Variants in RHOBTB2 observed in about 807,000 individuals in gnomAD.
RHOBTB2 encodes the protein rho-related BTB domain-containing protein 2.
RHOBTB2 carries 39 observed loss-of-function variants against 66.5 expected under a neutral mutation model. That is an observed-to-expected ratio of 0.59 (90% CI 0.45 to 0.77). The LOEUF is 0.77. Among genes scored for constraint, RHOBTB2 ranks in the 30% least tolerant of loss-of-function variants. RHOBTB2 has a pLI of 0.00. For missense variants in RHOBTB2, 755 were observed against 999.1 expected (o/e 0.76, Z 3.29); for synonymous variants, 390 against 395.0 (o/e 0.99, Z 0.15).
chr8:22,989,466 C>T (rs111596175), intron 1 of RHOBTB2, among the ~76,000 whole-genome samples: 1 of 152,196 alleles, frequency 6.6e-6, no homozygotes, highest in Non-Finnish European at 1.5e-5. Flanking sequence ...ATTCTTAACT[C>T]CCTACTGGGC....
chr8:22,979,996 G>A, the RHOBTB2 span, among the ~76,000 whole-genome samples: 1 of 152,016 alleles, frequency 6.6e-6, no homozygotes, highest in Non-Finnish European at 1.5e-5. Context: ...TTGACCTCGT[G>A]ATCCACCCTC....
chr8:22,951,015 T>C, the RHOBTB2 span, among the ~76,000 whole-genome samples: 1 of 152,056 alleles, frequency 6.6e-6, no homozygotes, highest in African/African-American at 2.4e-5. Flanking sequence ...GAAAAGAAAA[T>C]GATTTGGGGG....
At chr8:22,990,190 A>G (rs1810390465) in intron 1 of RHOBTB2, among the ~76,000 whole-genome samples, 1 of 152,212 alleles carries the variant, frequency 6.6e-6, no homozygotes, top group Admixed American at 6.5e-5. Flanking sequence ...GATAAATGAA[A>G]AAAAGAAAGG....
chr8:22,955,568 T>G, the RHOBTB2 span, among the ~76,000 whole-genome samples: 19 of 145,056 alleles, frequency 1.3e-4, no homozygotes, highest in Non-Finnish European at 1.8e-4. Context: ...ATAAATCTTT[T>G]TTTTTTTTTT....
chr8:22,968,437 T>C, the RHOBTB2 span, among the ~76,000 whole-genome samples: 1 of 152,130 alleles, frequency 6.6e-6, no homozygotes, highest in East Asian at 1.9e-4. Context: ...TTCAAGAATA[T>C]CAGTTTTCCT....
chr8:23,009,169 A>AC (rs879727582), intron 6 of RHOBTB2, among the ~76,000 whole-genome samples: 1,172 of 48,220 alleles, frequency 0.024, 12 homozygotes, highest in South Asian at 0.063. Flanking sequence ...AAAAAGAAAA[A>AC]AAGAGAGAGA....
At chr8:22,958,340 T>A in the RHOBTB2 span, among the ~76,000 whole-genome samples, 3 of 152,202 alleles carry the variant, frequency 2.0e-5, no homozygotes, top group African/African-American at 7.2e-5. Flanking sequence ...GGAGGGGGTA[T>A]AACAGGGTCA....
chr8:23,001,167 CTT>C (rs544441081), intron 1 of RHOBTB2, among the ~76,000 whole-genome samples: 2 of 152,104 alleles, frequency 1.3e-5, no homozygotes, highest in African/African-American at 4.8e-5. Flanking sequence ...ATGCCAGTGA[CTT>C]TGCGATTGTC....
Position 22,994,298 on chromosome 8 carries a change from C to T in RHOBTB2, c.-23-263C>T, listed in dbSNP as rs374079059. 4.3e-4 allele frequency among the ~76,000 whole-genome samples: 65 copies of T among 152,320 alleles called. No homozygotes were observed. The South Asian group carries it at 0.013, about 31-fold the overall frequency. On this transcript the variant is annotated intron_variant, in intron 2 of 11. Transcript: ENST00000519685. ...AATCGCCAAACCAGCTCAGTATCCACAAATGCCTGAGGCACATGATGCACC... is the reference window on the plus strand; with the variant it reads ...AATCGCCAAACCAGCTCAGTATCCATAAATGCCTGAGGCACATGATGCACC...
intron 1 of RHOBTB2, among the ~76,000 whole-genome samples, chr8:22,988,229 G>A (rs1171244548): frequency 6.8e-6 from 1 of 147,690 alleles, no homozygotes; most frequent in Non-Finnish European, 1.5e-5. Context: ...GCGCAATCTC[G>A]GCCCACTGCA....
At position 23,004,682 on chromosome 8, in the gene RHOBTB2, G is replaced by A; in HGVS notation, c.192+56G>A. 6.7e-7 allele frequency: 1 copy of A among 1,501,096 alleles called. No individual in the cohort carries two copies. The highest frequency in any genetic ancestry group is 1.4e-5 in the African/African-American group (1 of 72,692). 93.0% of individuals were successfully genotyped at this position (1,501,096 alleles called of 1,614,324 possible). A position where few individuals can be genotyped will look rare whatever the true frequency, so the allele number is the denominator to read the frequency against. On this transcript the variant is annotated intron_variant, in intron 2 of 9. Coordinates refer to ENST00000251822, the MANE Select transcript of RHOBTB2 (RefSeq NM_015178.3). The surrounding 1 kb of genome is among the most constrained non-coding windows in gnomAD (Gnocchi z 6.4). Reference sequence around the variant, plus strand: ...CCACGCCATGAGTCTGGGCTTGGGGGCTTCCTGAGGCATAGCTTGGTGTCT... The same window carrying A: ...CCACGCCATGAGTCTGGGCTTGGGGACTTCCTGAGGCATAGCTTGGTGTCT...
the RHOBTB2 span, among the ~76,000 whole-genome samples, chr8:22,959,462 C>G: frequency 6.6e-6 from 1 of 152,052 alleles, no homozygotes; most frequent in Non-Finnish European, 1.5e-5. Context: ...CCATGTTGGT[C>G]AGGCTGGTCT....
rs545773267 is a variant in RHOBTB2, at chr8:23,013,643, G to A, written c.1772-1047G>A. Among the ~76,000 whole-genome samples, 10 of 150,070 alleles carry A rather than the reference G, an allele frequency of 6.7e-5. No homozygotes were observed. In the South Asian group the frequency reaches 1.5e-3, roughly 22 times the overall value. ...CCCGAGTAGCTGGGATTACAGGCAC[G>A]TACCAACACACCCGGCTAATTTTTG... is the stretch of plus-strand genomic sequence containing the variant. On this transcript the variant is annotated intron_variant, in intron 7 of 9. Transcript: ENST00000251822.
chr8:22,981,003 T>C, the RHOBTB2 span, among the ~76,000 whole-genome samples: 1 of 152,258 alleles, frequency 6.6e-6, no homozygotes, highest in Non-Finnish European at 1.5e-5. Context: ...TTCTTCCAAG[T>C]ATGATACGTT....
chr8:22,983,480 C>A (rs922941874), upstream of RHOBTB2, among the ~76,000 whole-genome samples: 1 of 149,494 alleles, frequency 6.7e-6, no homozygotes, highest in African/African-American at 2.5e-5. Flanking sequence ...GTGAGACCCA[C>A]CTCTCAAGAA....
chr8:22,957,486 G>A, the RHOBTB2 span, among the ~76,000 whole-genome samples: 1 of 152,148 alleles, frequency 6.6e-6, no homozygotes, highest in Admixed American at 6.5e-5. Context: ...CTGACAAAGG[G>A]CACTTGCTGC....
At chr8:22,999,496 G>T (rs995669266), upstream of RHOBTB2, 1 of 591,046 alleles carries the variant, frequency 1.7e-6, no homozygotes. Flanking sequence ...TCCCCCGCCC[G>T]CCCCCTCCCC....
rs753224986 is a variant in RHOBTB2, at chr8:23,007,220, ACACCACCACCATCAC to A, written c.988_1002del (p.His330_His334del). 1.1e-5 allele frequency: 17 copies of A among 1,608,220 alleles called. No homozygotes were observed. The African/African-American group carries it at 2.0e-4, about 19-fold the overall frequency. ...AGGACCACCAGGGCCACTCTGATCA[ACACCACCACCATCAC>A]CACCACCACCATGGGCGAGACTTCC... On this transcript the variant is annotated inframe_deletion, in exon 5 of 10. Coordinates refer to ENST00000251822, the MANE Select transcript of RHOBTB2 (RefSeq NM_015178.3).
chr8:22,986,872 C>A (rs1810298421), upstream of RHOBTB2, among the ~76,000 whole-genome samples: 1 of 152,228 alleles, frequency 6.6e-6, no homozygotes, highest in South Asian at 2.1e-4. Context: ...GGATGTCCGG[C>A]CACTGTGAGC....
Sources: allele counts gnomAD v4.1 joint callset (sites outside exome capture counted in the v4.1 genomes callset), GRCh38; gene constraint gnomAD v4.1.1; non-coding constraint Gnocchi (gnomAD v3.1); transcripts MANE v1.5; gene names NCBI Gene and HGNC (gene_info 2026-07-23, HGNC 2026-07-21).